The following LAMA3 variants were observed in gnomAD, a reference collection of about 807,000 sequenced individuals.
LAMA3 encodes laminin subunit alpha 3, also known as laminin subunit alpha-3.
Under a neutral mutation model 402.0 loss-of-function variants are expected in LAMA3, and 281 were observed. The observed-to-expected ratio is 0.70, with a 90% CI of 0.63 to 0.77. The LOEUF is 0.77. LAMA3 is among the 30% of genes least tolerant of loss of function. LAMA3 has a pLI of 0.00. For synonymous variants in LAMA3, 1,431 were observed against 1,558.4 expected, an observed-to-expected ratio of 0.92 and a Z score of 1.93; for missense variants, 3,840 against 4,215.5, an observed-to-expected ratio of 0.91 and a Z score of 2.47.
In LAMA3 at chr18:23,720,558, G is replaced by A. The variant is rs150885680; in HGVS notation, c.447+6486G>A. ...TTTTAGTGTGATGGGGTTTCACCAT[G>A]TTGATCAGGATGATCTTGATTTCTT... On this transcript the variant is annotated intron_variant, in intron 2 of 74. Coordinates refer to ENST00000313654, the MANE Select transcript of LAMA3 (RefSeq NM_198129.4). 4.6e-5 allele frequency among the ~76,000 whole-genome samples: 7 copies of A among 152,204 alleles called. No individual in the cohort carries two copies. The East Asian group carries it at 1.4e-3, about 29-fold the overall frequency.
chr18:23,857,473 A>G (rs1322765016), intron 32 of LAMA3, among the ~76,000 whole-genome samples: 1 of 152,208 alleles, frequency 6.6e-6, no homozygotes, highest in Admixed American at 6.5e-5. Flanking sequence ...CCCCCAGGGA[A>G]ACTTGTCACC....
At chr18:23,700,736 C>G (rs942403454) in intron 1 of LAMA3, among the ~76,000 whole-genome samples, 1 of 151,998 alleles carries the variant, frequency 6.6e-6, no homozygotes, top group Non-Finnish European at 1.5e-5. Context: ...CTCACTCTGT[C>G]GCCTGGGCTC....
intron 2 of LAMA3, among the ~76,000 whole-genome samples, chr18:23,718,056 GATA>G (rs2061141356): frequency 6.6e-6 from 1 of 152,150 alleles, no homozygotes; most frequent in Admixed American, 6.5e-5. Flanking sequence ...CATCTGGCCA[GATA>G]TAATGAGTTC....
At chr18:23,714,758 G>A (rs999646550) in intron 2 of LAMA3, among the ~76,000 whole-genome samples, 8 of 152,168 alleles carry the variant, frequency 5.3e-5, no homozygotes, top group Admixed American at 3.3e-4. Flanking sequence ...AACCATCGCC[G>A]TCATCCATCT....
At position 23,871,558 on chromosome 18, in the gene LAMA3, G is replaced by A. The variant is rs772423166; in HGVS notation, c.4895G>A (p.Ser1632Asn). ...ACAGAGACTCAAAGGCTCACCCTGA[G>A]CGAGGTGGGGCTAGAGGAAGCCTCT... ...YFTETQRLTL[S>N]EVGLEEASDT... is the part of the protein sequence containing the mutation. The change falls in exon 38 of 75, where the codon AGC becomes AAC. Residue 1632 changes from serine to asparagine, a missense_variant. By Grantham distance (46) the Ser-to-Asn change is conservative. Coordinates refer to ENST00000313654, the MANE Select transcript of LAMA3 (RefSeq NM_198129.4). The A allele has an allele frequency of 3.1e-6, 5 of 1,614,234 alleles. No individual in the cohort carries two copies. In the East Asian group the frequency reaches 1.1e-4, roughly 36 times the overall value.
intron 37 of LAMA3, 143 bp from the exon 38 acceptor site, chr18:23,871,288 G>T: frequency 1.4e-6 from 1 of 722,998 alleles, no homozygotes; most frequent in East Asian, 2.7e-5. Flanking sequence ...ACTCCAGGAG[G>T]CAGGTATTTC....
chr18:23,719,214 G>A (rs1272734425), intron 2 of LAMA3, among the ~76,000 whole-genome samples: 1 of 152,162 alleles, frequency 6.6e-6, no homozygotes. Flanking sequence ...AGAGAGTCCA[G>A]ATGGACATAG....
At chr18:23,792,954 G>A (rs531768826) in intron 12 of LAMA3, among the ~76,000 whole-genome samples, 20 of 152,240 alleles carry the variant, frequency 1.3e-4, no homozygotes, top group African/African-American at 3.6e-4. Context: ...ACAGCAGACC[G>A]GGAGACAACT....
chr18:23,915,202 A>T (rs1599085258), intron 58 of LAMA3, 87 bp from the exon 59 acceptor site: 2 of 1,419,732 alleles, frequency 1.4e-6, no homozygotes, highest in South Asian at 2.4e-5. Flanking sequence ...CCCTTATGCC[A>T]TAGTGACTGT....
intron 68 of LAMA3, among the ~76,000 whole-genome samples, chr18:23,941,387 T>G (rs538133854): frequency 7.2e-6 from 1 of 139,270 alleles, no homozygotes; most frequent in East Asian, 2.3e-4. Context: ...TACCAACTTC[T>G]AACGATTCAA....
chr18:23,908,398 T>C (rs1438970042), intron 54 of LAMA3, among the ~76,000 whole-genome samples: 8 of 151,580 alleles, frequency 5.3e-5, no homozygotes, highest in Non-Finnish European at 8.8e-5. Flanking sequence ...GGCGTGGTGA[T>C]GGGCGCCTGT....
chr18:23,794,450 T>G (rs2062723989), intron 12 of LAMA3, among the ~76,000 whole-genome samples: 1 of 152,196 alleles, frequency 6.6e-6, no homozygotes, highest in Non-Finnish European at 1.5e-5. Flanking sequence ...CCCCACCAAG[T>G]TGAAGCCAGC....
intron 1 of LAMA3, among the ~76,000 whole-genome samples, chr18:23,695,683 A>G (rs1014059645): frequency 6.6e-6 from 1 of 151,462 alleles, no homozygotes; most frequent in Non-Finnish European, 1.5e-5. Flanking sequence ...CTGTAATCCC[A>G]TCTACTTGGG....
In LAMA3 at chr18:23,813,107, A is replaced by C; in HGVS notation, c.1788+4A>C. Reference sequence around the variant, plus strand: ...TGGTACCATCAACTCCAATTTGGTAAGTAGACTATAAAAGGGTTGCAATTC... The same window carrying C: ...TGGTACCATCAACTCCAATTTGGTACGTAGACTATAAAAGGGTTGCAATTC... On this transcript the variant is annotated splice_donor_region_variant and intron_variant, in intron 14 of 74. Coordinates refer to ENST00000313654, the MANE Select transcript of LAMA3 (RefSeq NM_198129.4). 1 of 1,594,614 alleles carries C rather than the reference A, an allele frequency of 6.3e-7. No homozygotes were observed. The highest frequency in any genetic ancestry group is 8.6e-7 in the Non-Finnish European group (1 of 1,162,302).
At chr18:23,929,551 C>T (rs1215940470) in intron 64 of LAMA3, among the ~76,000 whole-genome samples, 3 of 151,642 alleles carry the variant, frequency 2.0e-5, no homozygotes, top group African/African-American at 7.3e-5. Context: ...GACTCTGTGG[C>T]TCTGTAATAC....
chr18:23,827,340 T>C lies in LAMA3; in HGVS notation c.2696T>C (p.Val899Ala), dbSNP rs769924176. Residue 899 changes from valine to alanine, a missense_variant, in exon 23 of 75, where the codon GTG becomes GCG. By Grantham distance (64) the Val-to-Ala change is moderately conservative. Coordinates refer to ENST00000313654, the MANE Select transcript of LAMA3 (RefSeq NM_198129.4). ...ENCLLYQHLP[V>A]TRFPCTLACE... ...TGCTTACTCTACCAGCATTTGCCAG[T>C]GACCAGATTCCCCTGTACCCTGGCT... 3.1e-6 allele frequency: 5 copies of C among 1,614,114 alleles called. No homozygotes were observed. The highest frequency in any genetic ancestry group is 1.3e-5 in the African/African-American group (1 of 74,944).
chr18:23,912,778 A>G lies in LAMA3; in HGVS notation c.7226A>G (p.Asp2409Gly). 2 of 1,614,098 alleles carry G rather than the reference A, an allele frequency of 1.2e-6. No homozygotes were observed. The highest frequency in any genetic ancestry group is 1.1e-5 in the South Asian group (1 of 91,086). Residue 2409 changes from aspartate (D) to glycine (G), a missense_variant, in exon 56 of 75, where the codon GAT becomes GGT. This residue lies in a region of LAMA3 where 891 missense variants were observed against 857.5 expected (regional missense o/e 1.04). Transcript: ENST00000313654. ...GTCCGACTGCCAAATGACCTGGAAG[A>G]TTTGAAAGGATATACATCTCTGTCC... ...VEVRLPNDLE[D>G]LKGYTSLSLF...
At chr18:23,752,284 G>A (rs2061766124) in intron 5 of LAMA3, among the ~76,000 whole-genome samples, 1 of 152,040 alleles carries the variant, frequency 6.6e-6, no homozygotes. Context: ...ATGTGCCCTG[G>A]AGCACTGCCA....
intron 60 of LAMA3, 130 bp from the exon 61 acceptor site, chr18:23,920,805 A>C (rs750433807): frequency 1.9e-6 from 2 of 1,070,128 alleles, no homozygotes; most frequent in Non-Finnish European, 2.9e-6. Context: ...TTGCAGCACC[A>C]TTATCCCTTT....
Sources: gnomAD v4.1 joint callset for allele counts (sites outside exome capture counted in the v4.1 genomes callset) on GRCh38, gnomAD v4.1.1 for gene constraint, gnomAD v4.1.1 regional missense constraint, MANE v1.5 for transcripts, NCBI Gene and HGNC (gene_info 2026-07-23, HGNC 2026-07-21) for gene names.